Variants in MBOAT4 observed in about 807,000 individuals in gnomAD.
MBOAT4 encodes membrane bound ghrelin O-acyltransferase MBOAT4, also known as membrane-bound ghrelin O-acyltransferase MBOAT4.
In MBOAT4, 11 loss-of-function variants were observed where a neutral mutation model predicts 13.2. That is an observed-to-expected ratio of 0.84 (90% confidence interval 0.53 to 1.38). MBOAT4 has a LOEUF of 1.38. Among genes scored for constraint, MBOAT4 ranks in the 40% most tolerant of loss-of-function variants. The pLI is 0.00. For missense variants in MBOAT4, 481 were observed against 527.2 expected, an observed-to-expected ratio of 0.91 and a Z score of 0.86; for synonymous variants, 202 against 210.3, an observed-to-expected ratio of 0.96 and a Z score of 0.34.
rs2117544203 is a variant in MBOAT4, at chr8:30,137,802, G to A, written c.344+730C>T. On this transcript the variant is annotated intron_variant, in intron 2 of 2. Transcript: ENST00000320542. The stretch of plus-strand genomic sequence containing the variant: ...CTTGCCTGGAAACTAGACTGCCTTT[G>A]TAGGATTAACAAATTAGCCGAAAGA... 25 of 364,594 alleles carry A rather than the reference G, an allele frequency of 6.9e-5. 1 individual carries two copies. In the South Asian group the frequency reaches 8.9e-4, roughly 13 times the overall value. 22.6% of individuals were successfully genotyped at this position (364,594 alleles called of 1,614,324 possible). A position where few individuals can be genotyped will look rare whatever the true frequency, so the allele number is the denominator to read the frequency against.
At chr8:30,140,287 T>C (rs1803241307) in intron 1 of MBOAT4, among the ~76,000 whole-genome samples, 1 of 152,172 alleles carries the variant, frequency 6.6e-6, no homozygotes, top group Non-Finnish European at 1.5e-5. Context: ...AGACGCTGTC[T>C]TGAACTCCTG....
chr8:30,139,324 C>T (rs1803221025), intron 1 of MBOAT4, among the ~76,000 whole-genome samples: 1 of 152,100 alleles, frequency 6.6e-6, no homozygotes, highest in African/African-American at 2.4e-5. Flanking sequence ...AAGCGATTCC[C>T]TCCCAAGGTA....
At chr8:30,141,725 G>C (rs867122405) in intron 1 of MBOAT4, among the ~76,000 whole-genome samples, 1 of 152,182 alleles carries the variant, frequency 6.6e-6, no homozygotes, top group Non-Finnish European at 1.5e-5. Context: ...CTGGGAAAGC[G>C]ACTCAAAGAA....
chr8:30,137,821 C>A, intron 2 of MBOAT4: 3 of 309,702 alleles, frequency 9.7e-6, no homozygotes, highest in Non-Finnish European at 1.2e-5. Flanking sequence ...ACAAATTAGC[C>A]GAAAGATTAG....
At position 30,144,568 on chromosome 8, in the gene MBOAT4, T is replaced by C. The variant is rs1305778687; in HGVS notation, c.34A>G (p.Ile12Val). ...AATGCAGCCCCCTGGTAAAACGATATAGGATGGAGAAAGAACAGCCAAAGC... is the reference window on the plus strand; with the variant it reads ...AATGCAGCCCCCTGGTAAAACGATACAGGATGGAGAAAGAACAGCCAAAGC... ...EWLWLFFLHP[I>V]SFYQGAAFPF... Residue 12 changes from isoleucine (I) to valine (V), a missense_variant, in exon 1 of 3, where the codon ATA becomes GTA. Physicochemically the swap from Ile to Val is conservative, Grantham distance 29. Transcript: ENST00000320542. 7.7e-6 allele frequency: 12 copies of C among 1,551,210 alleles called. No individual in the cohort carries two copies. In the Admixed American group the frequency reaches 1.2e-4, roughly 15 times the overall value.
rs1803319076 is a variant in MBOAT4, at chr8:30,144,597, T to G, written c.5A>C (p.Glu2Ala). Reference sequence around the variant, plus strand: ...ATGGAGAAAGAACAGCCAAAGCCACTCCATTAGGAACCAGAACAAAAGAGC... The same window carrying G: ...ATGGAGAAAGAACAGCCAAAGCCACGCCATTAGGAACCAGAACAAAAGAGC... The part of the protein sequence containing the change: M[E>A]WLWLFFLHPI... The change falls in exon 1 of 3, where the codon GAG (glutamate) becomes GCG (alanine). Residue 2 changes from glutamate to alanine, a missense_variant. Transcript: ENST00000320542. 1 of 1,546,188 alleles carries G rather than the reference T, an allele frequency of 6.5e-7. No homozygotes were observed. The highest frequency in any genetic ancestry group is 2.0e-5 in the Admixed American group (1 of 50,732).
intron 2 of MBOAT4, among the ~76,000 whole-genome samples, chr8:30,133,788 CAAA>C (rs11430475): frequency 2.4e-5 from 3 of 123,054 alleles, no homozygotes; most frequent in African/African-American, 9.4e-5. Flanking sequence ...GACCCTGTCT[CAAA>C]AAAAAAAAAA....
Position 30,131,767 on chromosome 8 carries a change from G to T in MBOAT4, c.*176C>A. 1.5e-6 allele frequency: 1 copy of T among 688,354 alleles called. No individual in the cohort carries two copies. The highest frequency in any genetic ancestry group is 2.3e-6 in the Non-Finnish European group (1 of 431,468). The allele number at this position is 688,354 out of a possible 1,614,324, so 42.6% of individuals were successfully genotyped here. On this transcript the variant is annotated 3_prime_UTR_variant, in exon 3 of 3. Coordinates refer to ENST00000320542, the MANE Select transcript of MBOAT4 (RefSeq NM_001100916.2). ...CCTTTTTGTATCCTCAGTACCAGCA[G>T]AATAGCTTGCTAAAGTAGATACACA... is the stretch of plus-strand genomic sequence containing the variant.
intron 2 of MBOAT4, chr8:30,137,576 T>A: frequency 9.1e-7 from 1 of 1,101,848 alleles, no homozygotes; most frequent in Non-Finnish European, 1.3e-6. Context: ...CAAAATCACA[T>A]TTATATTCAT....
chr8:30,141,361 G>A (rs554106664), intron 1 of MBOAT4, among the ~76,000 whole-genome samples: 59 of 152,296 alleles, frequency 3.9e-4, no homozygotes, highest in Middle Eastern at 3.4e-3. Flanking sequence ...ATAGCAGGGC[G>A]TGGTGGCTCA....
intron 2 of MBOAT4, chr8:30,137,821 C>G (rs773693645): frequency 3.2e-6 from 1 of 309,584 alleles, no homozygotes; most frequent in Non-Finnish European, 6.1e-6. Context: ...ACAAATTAGC[C>G]GAAAGATTAG....
At chr8:30,136,660 C>A (rs187972482) in intron 2 of MBOAT4, among the ~76,000 whole-genome samples, 1 of 152,288 alleles carries the variant, frequency 6.6e-6, no homozygotes, top group East Asian at 1.9e-4. Context: ...GCCCCACCCA[C>A]CTGCCATCTT....
Position 30,144,522 on chromosome 8 carries a change from T to C in MBOAT4, c.80A>G (p.Asn27Ser), listed in dbSNP as rs1177693354. ...GAATGAATCCATGATGCAGAGATAA[T>C]TGAAGAGAAGTGCAAAGGGAAATGC... ...GAAFPFALLFNYLCIMDSFST... is the reference protein window; with the variant it reads ...GAAFPFALLFSYLCIMDSFST... The change falls in exon 1 of 3, where the codon AAT becomes AGT. Residue 27 changes from asparagine (N) to serine (S), a missense_variant. Transcript: ENST00000320542. 1.3e-6 allele frequency: 2 copies of C among 1,551,516 alleles called. No homozygotes were observed. The highest frequency in any genetic ancestry group is 4.9e-5 in the East Asian group (2 of 40,920).
intron 1 of MBOAT4, among the ~76,000 whole-genome samples, chr8:30,142,026 C>T (rs927031132): frequency 1.6e-4 from 25 of 152,176 alleles, no homozygotes; most frequent in African/African-American, 5.8e-4. Flanking sequence ...GAACATTTAT[C>T]CTTTACACAG....
intron 1 of MBOAT4, among the ~76,000 whole-genome samples, chr8:30,143,548 G>A (rs1044547238): frequency 1.3e-5 from 2 of 151,960 alleles, no homozygotes; most frequent in African/African-American, 2.4e-5. Context: ...AATCTTATAT[G>A]AGCAATCTAA....
At chr8:30,140,932 G>A (rs942943664) in intron 1 of MBOAT4, among the ~76,000 whole-genome samples, 2 of 151,668 alleles carry the variant, frequency 1.3e-5, no homozygotes, top group African/African-American at 2.4e-5. Flanking sequence ...TGACCCCCCC[G>A]GCTCAAGAAA....
intron 1 of MBOAT4, among the ~76,000 whole-genome samples, chr8:30,140,864 C>G (rs1803249455): frequency 6.6e-6 from 1 of 152,068 alleles, no homozygotes; most frequent in Non-Finnish European, 1.5e-5. Context: ...GTTTTTGAGA[C>G]AGGGTCCCTG....
Position 30,131,969 on chromosome 8 carries a change from C to T in MBOAT4, c.1282G>A (p.Ala428Thr), listed in dbSNP as rs992658299. 1 of 1,549,480 alleles carries T rather than the reference C, an allele frequency of 6.5e-7. No homozygotes were observed. The highest frequency in any genetic ancestry group is 8.7e-7 in the Non-Finnish European group (1 of 1,145,244). ...MVYCILLLLLAKRKHKCN is the reference protein window; with the variant it reads ...MVYCILLLLLTKRKHKCN ...CAGTTACATTTGTGCTTTCTCTTCG[C>T]CAATAGCAAAAGCAGAATACAGTAC... Residue 428 changes from alanine (A) to threonine (T), a missense_variant, in exon 3 of 3, where the codon GCG (alanine) becomes ACG (threonine). Transcript: ENST00000320542.
intron 1 of MBOAT4, 22 bp from the exon 2 acceptor site, chr8:30,138,778 G>T: frequency 6.5e-7 from 1 of 1,534,144 alleles, no homozygotes; most frequent in South Asian, 1.2e-5. Flanking sequence ...GGGACACCTT[G>T]GGGAGAATGA....
Sources: allele counts gnomAD v4.1 joint callset (sites outside exome capture counted in the v4.1 genomes callset), GRCh38; gene constraint gnomAD v4.1.1; transcripts MANE v1.5; gene names NCBI Gene and HGNC (gene_info 2026-07-23, HGNC 2026-07-21).